Variants in NEO1 observed in about 807,000 individuals in gnomAD.
The protein encoded by NEO1 is neogenin 1.
Under a neutral mutation model 159.7 loss-of-function variants are expected in NEO1, and 63 were observed. The observed-to-expected ratio is 0.39, with a 90% CI of 0.32 to 0.49. The LOEUF (loss-of-function observed/expected upper bound fraction) is 0.49, where lower values mean the gene tolerates loss of function less well. Ranked by LOEUF, NEO1 falls within the 20% of genes least tolerant of loss-of-function variation. The probability of loss-of-function intolerance (pLI) is 0.85; values close to 1 mark genes in which losing one functional copy is unlikely to be tolerated. For missense variants in NEO1, 1,615 were observed against 1,831.0 expected, an observed-to-expected ratio of 0.88 and a Z score of 2.15; for synonymous variants, 633 against 662.0, an observed-to-expected ratio of 0.96 and a Z score of 0.67.
chr15:73,295,674 ATAGAG>A (rs1238901239), intron 26 of NEO1, among the ~76,000 whole-genome samples: 10 of 152,210 alleles, frequency 6.6e-5, no homozygotes, highest in Admixed American at 3.9e-4. Flanking sequence ...GATTTGAAAT[ATAGAG>A]CAAGTATCCA....
intron 5 of NEO1, among the ~76,000 whole-genome samples, chr15:73,173,706 A>C (rs1182710743): frequency 6.6e-6 from 1 of 152,216 alleles, no homozygotes; most frequent in East Asian, 1.9e-4. Context: ...ACAGAAGAGG[A>C]AACAAATATT....
At chr15:73,228,096 C>T (rs964059439) in intron 7 of NEO1, among the ~76,000 whole-genome samples, 3 of 152,154 alleles carry the variant, frequency 2.0e-5, no homozygotes, top group African/African-American at 7.2e-5. Flanking sequence ...TTGCTCAAAA[C>T]ACCTGAGCTT....
At chr15:73,218,204 T>C (rs1464718494) in intron 7 of NEO1, among the ~76,000 whole-genome samples, 2 of 152,110 alleles carry the variant, frequency 1.3e-5, no homozygotes, top group Admixed American at 6.6e-5. Context: ...TTGTCTTTGG[T>C]TCTGTTTATA....
intron 5 of NEO1, among the ~76,000 whole-genome samples, chr15:73,159,263 C>T (rs1044302191): frequency 9.2e-5 from 14 of 152,150 alleles, no homozygotes; most frequent in Admixed American, 9.2e-4. Flanking sequence ...ACCTTATACA[C>T]GTATGTGTTG....
At chr15:73,250,524 C>A (rs923212043) in intron 11 of NEO1, among the ~76,000 whole-genome samples, 1 of 152,102 alleles carries the variant, frequency 6.6e-6, no homozygotes, top group African/African-American at 2.4e-5. Context: ...ACATCACGTG[C>A]CCCCTTATGT....
At chr15:73,133,942 G>A (rs1292224895) in intron 4 of NEO1, among the ~76,000 whole-genome samples, 1 of 152,034 alleles carries the variant, frequency 6.6e-6, no homozygotes, top group African/African-American at 2.4e-5. Flanking sequence ...ATATTTTTTA[G>A]TGTAATTATT....
At chr15:73,144,294 A>G (rs1402699558) in intron 5 of NEO1, among the ~76,000 whole-genome samples, 1 of 152,146 alleles carries the variant, frequency 6.6e-6, no homozygotes, top group Admixed American at 6.5e-5. Context: ...TGACCTTTTG[A>G]TACCTTCCAT....
intron 5 of NEO1, among the ~76,000 whole-genome samples, chr15:73,168,715 C>G (rs1301661242): frequency 6.6e-6 from 1 of 152,076 alleles, no homozygotes; most frequent in Non-Finnish European, 1.5e-5. Flanking sequence ...GCCTATTCAC[C>G]TTCATTGGAA....
At chr15:73,155,061 T>C (rs1208558975) in intron 5 of NEO1, among the ~76,000 whole-genome samples, 1 of 152,246 alleles carries the variant, frequency 6.6e-6, no homozygotes, top group East Asian at 1.9e-4. Flanking sequence ...AATGTCAACC[T>C]TTCATTACCA....
intron 1 of NEO1, among the ~76,000 whole-genome samples, chr15:73,061,422 CTT>C (rs2067973208): frequency 6.6e-6 from 1 of 152,144 alleles, no homozygotes; most frequent in South Asian, 2.1e-4. Flanking sequence ...TCAGAAATCT[CTT>C]GAGTCTTAAT....
At chr15:73,124,537 A>G (rs1395985941) in intron 3 of NEO1, among the ~76,000 whole-genome samples, 1 of 152,014 alleles carries the variant, frequency 6.6e-6, no homozygotes, top group Non-Finnish European at 1.5e-5. Flanking sequence ...GAAGATTGTG[A>G]TCACTTTATG....
intron 27 of NEO1, among the ~76,000 whole-genome samples, chr15:73,300,452 G>A (rs2680340): frequency 0.41 from 62,030 of 152,148 alleles, 12,756 homozygotes; most frequent in East Asian, 0.54. Flanking sequence ...GCTGTTGGCC[G>A]GGCGCGGTGG....
rs764061520 is a variant in NEO1 at position 73,249,559 on chromosome 15, A to G, written c.1756-24A>G. On this transcript the variant is annotated intron_variant, in intron 10 of 28. Coordinates refer to ENST00000261908, the MANE Select transcript of NEO1 (RefSeq NM_002499.4). ...TTTCTTTTGGCTTGAGTGCATATGT[A>G]TAAAGTGTTTTATTTTATTCAAGGA... 23 of 1,581,668 alleles carry G rather than the reference A, an allele frequency of 1.5e-5. No homozygotes were observed. The African/African-American group carries it at 1.9e-4, about 13-fold the overall frequency.
intron 22 of NEO1, among the ~76,000 whole-genome samples, chr15:73,281,241 TAGG>T (rs1176908660): frequency 6.9e-5 from 5 of 72,612 alleles, no homozygotes; most frequent in African/African-American, 2.2e-4. Flanking sequence ...GCCAGGTTGT[TAGG>T]AGAACCACTT....
intron 2 of NEO1, among the ~76,000 whole-genome samples, chr15:73,121,130 T>C: frequency 6.6e-6 from 1 of 152,196 alleles, no homozygotes; most frequent in East Asian, 1.9e-4. Flanking sequence ...AAATTAACCT[T>C]AATACAATAC....
Position 73,301,393 on chromosome 15 carries a change from C to T in NEO1, c.4238C>T (p.Pro1413Leu). 1 of 1,614,194 alleles carries T rather than the reference C, an allele frequency of 6.2e-7. No individual in the cohort carries two copies. Among genetic ancestry groups the T allele is most frequent in the Non-Finnish European group, 8.5e-7 (1 of 1,180,034 alleles). Residue 1413 changes from proline (P) to leucine (L), a missense_variant, in exon 28 of 29, where the codon CCA (proline) becomes CTA (leucine). Coordinates refer to ENST00000261908, the MANE Select transcript of NEO1 (RefSeq NM_002499.4). The stretch of plus-strand genomic sequence containing the variant: ...CTAGGAAGGAGCCGGCCTCCTATGC[C>T]AGTGGTTGTTCCCAGTGCCCCTGAA... ...GTLGRSRPPMPVVVPSAPEVQ... is the reference protein window; with the variant it reads ...GTLGRSRPPMLVVVPSAPEVQ...
intron 22 of NEO1, among the ~76,000 whole-genome samples, chr15:73,278,689 A>G (rs2041532573): frequency 1.3e-5 from 2 of 152,204 alleles, no homozygotes; most frequent in South Asian, 4.1e-4. Context: ...GCTTCACCAT[A>G]TATAAGCTAC....
At chr15:73,061,960 G>T (rs2068001428) in intron 1 of NEO1, among the ~76,000 whole-genome samples, 1 of 152,068 alleles carries the variant, frequency 6.6e-6, no homozygotes, top group African/African-American at 2.4e-5. Context: ...CCAAATTTTT[G>T]ATTGCAAACA....
chr15:73,229,798 A>G (rs973300450), intron 7 of NEO1, among the ~76,000 whole-genome samples: 1 of 152,126 alleles, frequency 6.6e-6, no homozygotes, highest in Non-Finnish European at 1.5e-5. Context: ...TAGTGAGATA[A>G]CTAGTGGTTT....
Sources: gnomAD v4.1 joint callset for allele counts (sites outside exome capture counted in the v4.1 genomes callset) on GRCh38, gnomAD v4.1.1 for gene constraint, MANE v1.5 for transcripts, NCBI Gene and HGNC (gene_info 2026-07-23, HGNC 2026-07-21) for gene names.